ABCA13: variants seen among roughly 807,000 people sequenced by gnomAD.
ABCA13 encodes ATP binding cassette subfamily A member 13, also known as ATP-binding cassette sub-family A member 13.
In ABCA13, 476 loss-of-function variants were observed where a neutral mutation model predicts 478.7. The ratio of observed to expected loss-of-function variants is 0.99; its 90% CI spans 0.92 to 1.07. The LOEUF is 1.07. Among genes scored for constraint, ABCA13 ranks in the 50% least tolerant of loss-of-function variants. ABCA13 has a pLI of 0.00. For synonymous variants in ABCA13, 2,252 were observed against 2,158.9 expected (o/e 1.04, Z -1.20); for missense variants, 6,060 against 5,910.6 (o/e 1.03, Z -0.83).
At position 48,613,920 on chromosome 7, in the gene ABCA13, A is replaced by G. The variant is rs563603784; in HGVS notation, c.14745-1365A>G. Among the ~76,000 whole-genome samples, 817 of 148,254 alleles carry G rather than the reference A, an allele frequency of 5.5e-3. 37 individuals are homozygous for G. The highest frequency in any genetic ancestry group is 0.015 in the South Asian group (70 of 4,698). On this transcript the variant is annotated intron_variant, in intron 58 of 61. Coordinates refer to ENST00000435803, the MANE Select transcript of ABCA13 (RefSeq NM_152701.5). ...ACATATTTCAAATTGAAATGTCAAA[A>G]TATAATTTAAATTATAATTACACAT... is the stretch of plus-strand genomic sequence containing the variant.
intron 3 of ABCA13, among the ~76,000 whole-genome samples, chr7:48,219,079 A>C (rs1348880670): frequency 6.6e-6 from 1 of 152,242 alleles, no homozygotes; most frequent in Non-Finnish European, 1.5e-5. Context: ...GTGTTAAATA[A>C]ATTTAAAAAA....
chr7:48,269,257 G>A (rs1179585196), intron 16 of ABCA13, among the ~76,000 whole-genome samples, 163 bp downstream of exon 16: 2 of 152,186 alleles, frequency 1.3e-5, no homozygotes, highest in African/African-American at 4.8e-5. Context: ...TTAATAGAGT[G>A]TGTGACTCAA....
In ABCA13 at chr7:48,338,474, A is replaced by G. The variant is rs779845965; in HGVS notation, c.10204+19A>G. ...ACATACGGTAAGTGTGCTGATGGGC[A>G]TGGTAGTGTTCTTCTGCCCATATGG... On this transcript the variant is annotated intron_variant, in intron 29 of 61. Coordinates refer to ENST00000435803, the MANE Select transcript of ABCA13 (RefSeq NM_152701.5). 2 of 1,566,296 alleles carry G rather than the reference A, an allele frequency of 1.3e-6. No homozygotes were observed. The highest frequency in any genetic ancestry group is 2.4e-5 in the South Asian group (2 of 84,192).
Position 48,279,183 on chromosome 7 carries a change from T to A in ABCA13, c.7989T>A (p.Thr2663=). The A allele has an allele frequency of 1.3e-6, 2 of 1,598,564 alleles. No homozygotes were observed. The highest frequency in any genetic ancestry group is 1.7e-6 in the Non-Finnish European group (2 of 1,172,360). Residue 2663 remains threonine (T), a synonymous_variant, in exon 18 of 62, where the codon ACT becomes ACA. Transcript: ENST00000435803. ...RSLAVAFNNE[T]QTFSMDSVNL... ...TTGCGGTAGCATTTAACAATGAGACTCAAACATTTTCTATGGATTCTGTCA... is the reference window on the plus strand; with the variant it reads ...TTGCGGTAGCATTTAACAATGAGACACAAACATTTTCTATGGATTCTGTCA...
intron 55 of ABCA13, among the ~76,000 whole-genome samples, chr7:48,577,292 G>A (rs1046149189): frequency 6.6e-6 from 1 of 151,718 alleles, no homozygotes; most frequent in African/African-American, 2.4e-5. Flanking sequence ...GAAACTAAAA[G>A]CTGAAATCAA....
chr7:48,587,183 C>A lies in ABCA13; in HGVS notation c.14535C>A (p.His4845Gln). Residue 4845 changes from histidine to glutamine, a missense_variant, in exon 57 of 62, where the codon CAC (histidine) becomes CAA (glutamine). Around this residue, in one of 3 missense-constraint regions of ABCA13, gnomAD observed 1,627 missense variants for 1,571.0 expected, o/e 1.04. Coordinates refer to ENST00000435803, the MANE Select transcript of ABCA13 (RefSeq NM_152701.5). ...CTGGAGACCTCATCAGGCGCTTACA[C>A]CTCGAAGCCCACGCGGACAAACCTG... ...EVAGDLIRRL[H>Q]LEAHADKPVA... The A allele has an allele frequency of 6.2e-7, 1 of 1,613,152 alleles. No individual in the cohort carries two copies. The highest frequency in any genetic ancestry group is 8.5e-7 in the Non-Finnish European group (1 of 1,179,588).
intron 20 of ABCA13, among the ~76,000 whole-genome samples, chr7:48,288,786 C>A (rs1015177864): frequency 1.3e-5 from 2 of 152,070 alleles, no homozygotes; most frequent in Non-Finnish European, 2.9e-5. Context: ...GGACACATGC[C>A]CAATAGGCTC....
At chr7:48,404,998 G>A (rs181035488) in intron 39 of ABCA13, among the ~76,000 whole-genome samples, 171 of 152,342 alleles carry the variant, frequency 1.1e-3, no homozygotes, top group African/African-American at 3.8e-3. Context: ...CCACATCTGC[G>A]GTGCTGGCTC....
At chr7:48,280,058 A>G in intron 18 of ABCA13, 138 bp downstream of exon 18, 2 of 864,998 alleles carry the variant, frequency 2.3e-6, no homozygotes, top group Non-Finnish European at 3.2e-6. Context: ...AGTTGGCTTC[A>G]ACATAGAGCA....
chr7:48,467,777 G>A (rs886128817), intron 44 of ABCA13, among the ~76,000 whole-genome samples: 1 of 152,230 alleles, frequency 6.6e-6, no homozygotes, highest in East Asian at 1.9e-4. Context: ...TTTTTAAGTA[G>A]TAAATATAAA....
In ABCA13 at chr7:48,244,503, G is replaced by A. The variant is rs140222399; in HGVS notation, c.1263-73G>A. 206 of 1,518,224 alleles carry A rather than the reference G, an allele frequency of 1.4e-4. 1 individual carries two copies. The East Asian group carries it at 3.7e-3, about 27-fold the overall frequency. 94.0% of individuals were successfully genotyped at this position (1,518,224 alleles called of 1,614,324 possible). On this transcript the variant is annotated intron_variant, in intron 10 of 61. Coordinates refer to ENST00000435803, the MANE Select transcript of ABCA13 (RefSeq NM_152701.5). ...AGCAGTGGAATATTTTCCTTTGAAC[G>A]GAATTTTTATTTCCCTAATTGGCAC...
At chr7:48,587,473 A>G (rs892129743) in intron 57 of ABCA13, among the ~76,000 whole-genome samples, 185 bp downstream of exon 57, 4 of 152,186 alleles carry the variant, frequency 2.6e-5, no homozygotes, top group African/African-American at 9.7e-5. Flanking sequence ...GAAATAAAAC[A>G]TTTATTTTTT....
intron 32 of ABCA13, among the ~76,000 whole-genome samples, chr7:48,370,717 G>A (rs1036924756): frequency 3.9e-5 from 6 of 152,060 alleles, no homozygotes; most frequent in African/African-American, 1.4e-4. Flanking sequence ...AAAACCTTTG[G>A]GATATTGCAA....
intron 43 of ABCA13, among the ~76,000 whole-genome samples, chr7:48,457,985 T>A (rs1825851882): frequency 6.6e-6 from 1 of 152,236 alleles, no homozygotes; most frequent in Non-Finnish European, 1.5e-5. Flanking sequence ...AGAATAACTA[T>A]CATCATTTGA....
rs750320016 is a variant in ABCA13, at chr7:48,594,411, C to CT, written c.14641-290dup. Among the ~76,000 whole-genome samples the CT allele has an allele frequency of 1.9e-3, 280 of 150,578 alleles. 3 individuals carry two copies. The highest frequency in any genetic ancestry group is 6.1e-3 in the African/African-American group (250 of 40,984). On this transcript the variant is annotated intron_variant, in intron 57 of 61. Coordinates refer to ENST00000435803, the MANE Select transcript of ABCA13 (RefSeq NM_152701.5). ...TCTGCGCCAGTATTTCTATTTGGTT[C>CT]TTTTTTTTTATAATTTTGATCTGTT...
intron 43 of ABCA13, among the ~76,000 whole-genome samples, chr7:48,459,226 A>T (rs1394195552): frequency 6.6e-6 from 1 of 152,150 alleles, no homozygotes; most frequent in Non-Finnish European, 1.5e-5. Flanking sequence ...GCTTGCAGAC[A>T]TCTGAGGCTG....
chr7:48,192,686 A>G (rs1323272652), intron 1 of ABCA13, among the ~76,000 whole-genome samples: 1 of 152,212 alleles, frequency 6.6e-6, no homozygotes, highest in African/African-American at 2.4e-5. Flanking sequence ...TATTTCTTTA[A>G]TTTCTGTAAT....
chr7:48,446,392 A>AC (rs1045623242), intron 42 of ABCA13, among the ~76,000 whole-genome samples: 2 of 151,626 alleles, frequency 1.3e-5, no homozygotes, highest in African/African-American at 4.8e-5. Flanking sequence ...CCCTTTAAAA[A>AC]AAAAAAAAAA....
At chr7:48,259,833 C>A (rs2128719663) in intron 15 of ABCA13, among the ~76,000 whole-genome samples, 1 of 151,904 alleles carries the variant, frequency 6.6e-6, no homozygotes, top group Middle Eastern at 3.4e-3. Context: ...ATTTGCTTGT[C>A]CCAAAAGGAT....
Sources: gnomAD v4.1 joint callset for allele counts (sites outside exome capture counted in the v4.1 genomes callset) on GRCh38, gnomAD v4.1.1 for gene constraint, gnomAD v4.1.1 regional missense constraint, MANE v1.5 for transcripts, NCBI Gene and HGNC (gene_info 2026-07-23, HGNC 2026-07-21) for gene names.